Variants in FAF1 observed in about 807,000 individuals in gnomAD.
FAF1 encodes Fas associated factor 1.
In FAF1, 25 loss-of-function variants were observed where a neutral mutation model predicts 92.5. The ratio of observed to expected loss-of-function variants is 0.27; its 90% CI spans 0.20 to 0.38. FAF1 has a LOEUF of 0.38. Ranked by LOEUF, FAF1 falls within the 10% of genes least tolerant of loss-of-function variation. FAF1 has a pLI of 1.00. For synonymous variants in FAF1, 234 were observed against 273.2 expected (o/e 0.86, Z 1.42); for missense variants, 636 against 793.3 (o/e 0.80, Z 2.38).
rs527679504 is a variant in FAF1 at position 50,761,400 on chromosome 1, G to A, written c.368-16625C>T. Reference sequence around the variant, plus strand: ...GACACAACCAAAAAAGAGAATTTTAGACCAATATCCTTGATGAACATTGAT... The same window carrying A: ...GACACAACCAAAAAAGAGAATTTTAAACCAATATCCTTGATGAACATTGAT... On this transcript the variant is annotated intron_variant, in intron 4 of 18. Transcript: ENST00000396153. 7.5e-4 allele frequency among the ~76,000 whole-genome samples: 114 copies of A among 152,228 alleles called. 1 individual carries two copies. The highest frequency in any genetic ancestry group is 2.6e-3 in the African/African-American group (110 of 41,534).
chr1:50,653,722 C>T (rs536063028), intron 8 of FAF1, among the ~76,000 whole-genome samples: 4 of 152,158 alleles, frequency 2.6e-5, no homozygotes, highest in East Asian at 3.9e-4. Flanking sequence ...AAAAATTACC[C>T]GGGTGTGGCG....
At chr1:50,830,709 T>C (rs1407210170) in intron 2 of FAF1, among the ~76,000 whole-genome samples, 2 of 150,832 alleles carry the variant, frequency 1.3e-5, no homozygotes, top group African/African-American at 2.4e-5. Flanking sequence ...CATTTTAAAA[T>C]AAAAAATAAA....
At chr1:50,923,337 C>G (rs1644980449) in intron 1 of FAF1, among the ~76,000 whole-genome samples, 1 of 152,108 alleles carries the variant, frequency 6.6e-6, no homozygotes, top group Non-Finnish European at 1.5e-5. Flanking sequence ...TCCCTTGACT[C>G]TAGGAGTTTG....
At chr1:50,818,720 C>T (rs933079382) in intron 2 of FAF1, among the ~76,000 whole-genome samples, 27 of 151,892 alleles carry the variant, frequency 1.8e-4, no homozygotes, top group African/African-American at 4.1e-4. Flanking sequence ...TTGGAATATG[C>T]GCAGACCCAC....
chr1:50,771,905 A>AAAAC (rs780507432), intron 4 of FAF1, among the ~76,000 whole-genome samples: 2 of 152,198 alleles, frequency 1.3e-5, no homozygotes, highest in South Asian at 2.1e-4. Context: ...CCGTCTCCAA[A>AAAAC]AAACAAACAA....
intron 7 of FAF1, among the ~76,000 whole-genome samples, chr1:50,674,036 C>T (rs770504744): frequency 2.0e-5 from 3 of 151,920 alleles, no homozygotes; most frequent in Non-Finnish European, 2.9e-5. Flanking sequence ...CTGCAACCTC[C>T]GCCAGCCAGG....
intron 7 of FAF1, among the ~76,000 whole-genome samples, chr1:50,658,096 G>A (rs1212568740): frequency 6.6e-6 from 1 of 152,076 alleles, no homozygotes; most frequent in African/African-American, 2.4e-5. Flanking sequence ...AACGAGAAAG[G>A]TGTTCCACAA....
chr1:50,617,173 T>C (rs1360604891), intron 8 of FAF1, among the ~76,000 whole-genome samples: 1 of 152,216 alleles, frequency 6.6e-6, no homozygotes, highest in East Asian at 1.9e-4. Context: ...CTTTCAGTAC[T>C]ATGTTAAATA....
intron 17 of FAF1, among the ~76,000 whole-genome samples, chr1:50,480,976 G>A (rs1646697293): frequency 6.6e-6 from 1 of 152,024 alleles, no homozygotes; most frequent in Non-Finnish European, 1.5e-5. Context: ...TGTAGGCCTA[G>A]CCTAATGTGC....
chr1:50,636,744 G>A lies in FAF1; in HGVS notation c.744+18698C>T, dbSNP rs139347509. Among the ~76,000 whole-genome samples, 3 of 152,152 alleles carry A rather than the reference G, an allele frequency of 2.0e-5. No homozygotes were observed. In the East Asian group the frequency reaches 5.8e-4, roughly 29 times the overall value. On this transcript the variant is annotated intron_variant, in intron 8 of 18. Transcript: ENST00000396153. The stretch of plus-strand genomic sequence containing the variant: ...TTATCCATTTTTTTTCCTCTTAGGA[G>A]CTTTTAGTGTCCTCTCTCAGAAATT...
At chr1:50,513,787 A>C (rs1314741175) in intron 15 of FAF1, among the ~76,000 whole-genome samples, 1 of 152,224 alleles carries the variant, frequency 6.6e-6, no homozygotes, top group East Asian at 1.9e-4. Flanking sequence ...AGGGACTTTT[A>C]TCCCTATTCA....
intron 1 of FAF1, among the ~76,000 whole-genome samples, chr1:50,935,243 A>G (rs1462815349): frequency 6.6e-6 from 1 of 152,242 alleles, no homozygotes; most frequent in Non-Finnish European, 1.5e-5. Flanking sequence ...AAAATTTTAT[A>G]ATTAATAAAG....
intron 2 of FAF1, among the ~76,000 whole-genome samples, chr1:50,810,133 T>C (rs956710059): frequency 2.0e-5 from 3 of 152,184 alleles, no homozygotes; most frequent in Non-Finnish European, 2.9e-5. Flanking sequence ...TGCATGCCTG[T>C]AGTCCCAGCT....
intron 2 of FAF1, among the ~76,000 whole-genome samples, chr1:50,850,374 G>A (rs183363072): frequency 4.0e-4 from 61 of 152,160 alleles, no homozygotes; most frequent in African/African-American, 1.1e-3. Flanking sequence ...AGTAACAGAG[G>A]CCTTTAAAGA....
At chr1:50,770,894 T>C (rs1313773260) in intron 4 of FAF1, among the ~76,000 whole-genome samples, 3 of 152,200 alleles carry the variant, frequency 2.0e-5, no homozygotes, top group African/African-American at 7.2e-5. Context: ...AACAGCACGT[T>C]ACTGGTATAA....
At chr1:50,714,807 C>T (rs540261554) in intron 6 of FAF1, among the ~76,000 whole-genome samples, 3 of 152,252 alleles carry the variant, frequency 2.0e-5, no homozygotes, top group African/African-American at 7.2e-5. Context: ...TAACTCTAAG[C>T]TCTGTCTATT....
At chr1:50,447,177 G>A (rs1156744537) in intron 18 of FAF1, among the ~76,000 whole-genome samples, 1 of 143,626 alleles carries the variant, frequency 7.0e-6, no homozygotes, top group African/African-American at 2.6e-5. Context: ...CCAGGCTGGA[G>A]TGCAGGGGCA....
intron 1 of FAF1, chr1:50,959,544 C>T: frequency 2.9e-6 from 1 of 342,290 alleles, no homozygotes; most frequent in Non-Finnish European, 5.6e-6. Flanking sequence ...TTAATACCTC[C>T]AATCCCATTC....
At chr1:50,947,132 C>G (rs1053637189) in intron 1 of FAF1, among the ~76,000 whole-genome samples, 1 of 152,202 alleles carries the variant, frequency 6.6e-6, no homozygotes, top group African/African-American at 2.4e-5. Context: ...TACTCTTTCC[C>G]TATTAAAGAA....
Sources: allele counts gnomAD v4.1 joint callset (sites outside exome capture counted in the v4.1 genomes callset), GRCh38; gene constraint gnomAD v4.1.1; transcripts MANE v1.5; gene names NCBI Gene and HGNC (gene_info 2026-07-23, HGNC 2026-07-21).